IGFLR1: variants seen among roughly 807,000 people sequenced by gnomAD.
IGFLR1 encodes IGF like family receptor 1, also known as IGF-like family receptor 1.
IGFLR1 carries 17 observed loss-of-function variants against 23.4 expected under a neutral mutation model. The observed-to-expected ratio is 0.73, with a 90% CI of 0.50 to 1.09. The LOEUF (loss-of-function observed/expected upper bound fraction) is 1.09. IGFLR1 is among the 50% of genes least tolerant of loss of function. The probability of loss-of-function intolerance (pLI) is 0.00; values close to 1 mark genes in which losing one functional copy is unlikely to be tolerated. For synonymous variants in IGFLR1, 265 were observed against 210.7 expected, an observed-to-expected ratio of 1.26 and a Z score of -2.23; for missense variants, 556 against 459.2, an observed-to-expected ratio of 1.21 and a Z score of -1.93.
intron 1 of IGFLR1, among the ~76,000 whole-genome samples, chr19:35,742,064 G>A (rs1041454811): frequency 6.6e-6 from 1 of 151,650 alleles, no homozygotes; most frequent in Non-Finnish European, 1.5e-5. Context: ...AGCTGAGATC[G>A]TGCCATTGCA....
chr19:35,741,337 GAGCCGGTTATCAGAGA>G (rs1970222569), intron 1 of IGFLR1, 114 bp from the exon 2 acceptor site: 6 of 1,100,524 alleles, frequency 5.5e-6, no homozygotes, highest in Non-Finnish European at 7.9e-6. Context: ...TCCCCCAACT[GAGCCGGTTATCAGAGA>G]AGCCCACAAG....
intron 1 of IGFLR1, chr19:35,741,471 C>CT: frequency 2.8e-6 from 1 of 350,896 alleles, no homozygotes. Flanking sequence ...TAAAATAAGA[C>CT]AATGATAGCA....
chr19:35,740,365 G>A lies in IGFLR1; in HGVS notation c.342+15C>T. The A allele has an allele frequency of 6.4e-7, 1 of 1,558,688 alleles. No individual in the cohort carries two copies. Among genetic ancestry groups the A allele is most frequent in the Non-Finnish European group, 8.7e-7 (1 of 1,153,310 alleles). On this transcript the variant is annotated intron_variant, in intron 3 of 4. Coordinates refer to ENST00000246532, the MANE Select transcript of IGFLR1 (RefSeq NM_024660.4). ...CTCCAGCACGCCCTTGCCCTGCCGGGAGTCCCATCTGCACCTCTCTGCAGC... is the reference window on the plus strand; with the variant it reads ...CTCCAGCACGCCCTTGCCCTGCCGGAAGTCCCATCTGCACCTCTCTGCAGC...
Position 35,738,920 on chromosome 19 carries a change from A to C in IGFLR1, c.*360T>G. 2 of 441,960 alleles carry C rather than the reference A, an allele frequency of 4.5e-6. No homozygotes were observed. Among genetic ancestry groups the C allele is most frequent in the Non-Finnish European group, 8.1e-6 (2 of 247,280 alleles). The allele number at this position is 441,960 out of a possible 1,614,324, so 27.4% of individuals were successfully genotyped here. On this transcript the variant is annotated 3_prime_UTR_variant, in exon 5 of 5. Coordinates refer to ENST00000246532, the MANE Select transcript of IGFLR1 (RefSeq NM_024660.4). This position sits in a 1 kb window ranked among gnomAD's most constrained non-coding sequence, Gnocchi z 8.7. ...TTGTAGGCTGTGGGGGCAGGTAGGA[A>C]CCCCACTTCTACACACCCACCCATC... is the stretch of plus-strand genomic sequence containing the variant.
At position 35,740,473 on chromosome 19, in the gene IGFLR1, G is replaced by C. The variant is rs1321771096; in HGVS notation, c.249C>G (p.Pro83=). The part of the protein sequence containing the change: ...FRKCSSGQCN[P]DGAELCSPCG... The stretch of plus-strand genomic sequence containing the variant: ...AGGGGCTACATAGCTCCGCGCCGTC[G>C]GGGTTGCACTGCCCAGAAGAACACT... Residue 83 remains proline, a synonymous_variant, in exon 3 of 5, where the codon CCC becomes CCG. Coordinates refer to ENST00000246532, the MANE Select transcript of IGFLR1 (RefSeq NM_024660.4). 1 of 1,613,010 alleles carries C rather than the reference G, an allele frequency of 6.2e-7. No individual in the cohort carries two copies. Among genetic ancestry groups the C allele is most frequent in the Non-Finnish European group, 8.5e-7 (1 of 1,179,872 alleles).
In IGFLR1 at chr19:35,740,420, G is replaced by T; in HGVS notation, c.302C>A (p.Pro101His). 1 of 1,608,456 alleles carries T rather than the reference G, an allele frequency of 6.2e-7. No individual in the cohort carries two copies. Among genetic ancestry groups the T allele is most frequent in the South Asian group, 1.1e-5 (1 of 90,770 alleles). Residue 101 changes from proline (P) to histidine (H), a missense_variant, in exon 3 of 5, where the codon CCC becomes CAC. Physicochemically the swap from Pro to His is moderately conservative, Grantham distance 77 (BLOSUM62 -2). Transcript: ENST00000246532. ...CGGGGTTCTGCCCCCGCCCGCGGCG[G>T]GAGTAGGGGTCACGGCTCCGCCGCC... ...PCGGGAVTPT[P>H]AAGGGRTPWR...
At chr19:35,742,293 A>T in intron 1 of IGFLR1, 103 bp downstream of exon 1, 1 of 917,508 alleles carries the variant, frequency 1.1e-6, no homozygotes, top group Non-Finnish European at 1.5e-6. Flanking sequence ...CCTTGGGGCT[A>T]GGGCTCCTCC....
At chr19:35,741,317 C>G in intron 1 of IGFLR1, 94 bp from the exon 2 acceptor site, 1 of 1,324,824 alleles carries the variant, frequency 7.5e-7, no homozygotes, top group South Asian at 1.3e-5. Flanking sequence ...AATCTACCCC[C>G]GAGCCCTCAT....
At chr19:35,740,607 C>G in intron 2 of IGFLR1, 43 bp from the exon 3 acceptor site, 1 of 1,549,832 alleles carries the variant, frequency 6.5e-7, no homozygotes, top group Non-Finnish European at 8.7e-7. Flanking sequence ...CTAGCCCGCC[C>G]CTGCGCGGGC....
In IGFLR1 at chr19:35,740,439, C is replaced by T; in HGVS notation, c.283G>A (p.Gly95Arg). The T allele has an allele frequency of 6.2e-7, 1 of 1,611,608 alleles. No individual in the cohort carries two copies. Among genetic ancestry groups the T allele is most frequent in the African/African-American group, 1.3e-5 (1 of 74,990 alleles). Residue 95 changes from glycine (G) to arginine (R), a missense_variant, in exon 3 of 5, where the codon GGA becomes AGA. Physicochemically the swap from Gly to Arg is moderately radical, Grantham distance 125 (BLOSUM62 -2). Transcript: ENST00000246532. ...GAELCSPCGG[G>R]AVTPTPAAGG... is the part of the protein sequence containing the mutation. ...GCGGCGGGAGTAGGGGTCACGGCTC[C>T]GCCGCCGCAGGGGCTACATAGCTCC...
intron 1 of IGFLR1, chr19:35,741,597 T>G (rs1466800063): frequency 6.8e-6 from 1 of 146,326 alleles, no homozygotes; most frequent in Non-Finnish European, 1.4e-5. Flanking sequence ...GACAGGAGGA[T>G]CACTTGAGCC....
rs149304230 is a variant in IGFLR1 at position 35,741,155 on chromosome 19, G to T, written c.26C>A (p.Thr9Lys). The change falls in exon 2 of 5, where the codon ACG becomes AAG. Residue 9 changes from threonine to lysine, a missense_variant. Coordinates refer to ENST00000246532, the MANE Select transcript of IGFLR1 (RefSeq NM_024660.4). MGPGRCLL[T>K]ALLLLALAPP... is the part of the protein sequence containing the mutation. Reference sequence around the variant, plus strand: ...CGCCAGGGCCAGAAGCAACAAGGCCGTCAGGAGGCATCGTCCAGGCCCCAT... The same window carrying T: ...CGCCAGGGCCAGAAGCAACAAGGCCTTCAGGAGGCATCGTCCAGGCCCCAT... The T allele has an allele frequency of 2.5e-6, 4 of 1,605,420 alleles. No homozygotes were observed. Among genetic ancestry groups the T allele is most frequent in the Non-Finnish European group, 8.5e-7 (1 of 1,175,010 alleles).
chr19:35,740,314 C>G lies in IGFLR1; in HGVS notation c.342+66G>C, dbSNP rs535163297. ...CCCCACCCCTTACGTGGGGCTACGC[C>G]GGCTCCCTACATCTAGGCCCCCCAC... On this transcript the variant is annotated intron_variant, in intron 3 of 4. Coordinates refer to ENST00000246532, the MANE Select transcript of IGFLR1 (RefSeq NM_024660.4). 71 of 1,459,968 alleles carry G rather than the reference C, an allele frequency of 4.9e-5. 1 individual carries two copies. In the South Asian group the frequency reaches 9.0e-4, roughly 19 times the overall value. The allele number at this position is 1,459,968 out of a possible 1,614,324, so 90.4% of individuals were successfully genotyped here.
In IGFLR1 at chr19:35,739,234, T is replaced by A; in HGVS notation, c.*46A>T. 6.9e-7 allele frequency: 1 copy of A among 1,449,976 alleles called. No homozygotes were observed. The highest frequency in any genetic ancestry group is 9.3e-7 in the Non-Finnish European group (1 of 1,079,516). 89.8% of individuals were successfully genotyped at this position (1,449,976 alleles called of 1,614,324 possible). A position where few individuals can be genotyped will look rare whatever the true frequency, so the allele number is the denominator to read the frequency against. ...TGTACTTCAAGAAGTACTTCAGTGC[T>A]AATTGTATACTGGGCTTAGTAGTCA... On this transcript the variant is annotated 3_prime_UTR_variant, in exon 5 of 5. Transcript: ENST00000246532.
intron 1 of IGFLR1, 103 bp downstream of exon 1, chr19:35,742,293 A>C: frequency 1.1e-6 from 1 of 917,508 alleles, no homozygotes; most frequent in Non-Finnish European, 1.5e-6. Flanking sequence ...CCTTGGGGCT[A>C]GGGCTCCTCC....
chr19:35,741,410 A>G, intron 1 of IGFLR1, 187 bp from the exon 2 acceptor site: 1 of 589,656 alleles, frequency 1.7e-6, no homozygotes, highest in Non-Finnish European at 3.0e-6. Context: ...GCAAGAATGC[A>G]TATCCCACCT....
chr19:35,738,893 A>G lies in IGFLR1; in HGVS notation c.*387T>C, dbSNP rs1970027894. On this transcript the variant is annotated 3_prime_UTR_variant, in exon 5 of 5. Transcript: ENST00000246532. This position sits in a 1 kb window ranked among gnomAD's most constrained non-coding sequence, Gnocchi z 8.7. ...CAATGTTTGGAGAGGTGGTCTTCCCATTTGTAGGCTGTGGGGGCAGGTAGG... is the reference window on the plus strand; with the variant it reads ...CAATGTTTGGAGAGGTGGTCTTCCCGTTTGTAGGCTGTGGGGGCAGGTAGG... 2.2e-6 allele frequency: 1 copy of G among 452,754 alleles called. No individual in the cohort carries two copies. The highest frequency in any genetic ancestry group is 2.0e-5 in the African/African-American group (1 of 50,868). 28.0% of individuals were successfully genotyped at this position (452,754 alleles called of 1,614,324 possible).
Position 35,740,551 on chromosome 19 carries a change from C to T in IGFLR1, c.171G>A (p.Arg57=). The change falls in exon 3 of 5, where the codon CGG becomes CGA. Residue 57 remains arginine, a synonymous_variant. Coordinates refer to ENST00000246532, the MANE Select transcript of IGFLR1 (RefSeq NM_024660.4). ...CGTGGTCATTGAGTCCGCAGTTTTC[C>T]CGGAACTCATAGTCTAGCGGGAAAG... ...GPPPCPDYEF[R]ENCGLNDHGD... is the part of the protein sequence containing the mutation. 1 of 1,606,904 alleles carries T rather than the reference C, an allele frequency of 6.2e-7. No individual in the cohort carries two copies. The highest frequency in any genetic ancestry group is 8.5e-7 in the Non-Finnish European group (1 of 1,176,868).
chr19:35,740,382 C>G lies in IGFLR1; in HGVS notation c.340G>C (p.Glu114Gln). The change falls in exon 3 of 5, where the codon GAG (glutamate) becomes CAG (glutamine). Residue 114 changes from glutamate to glutamine, a missense_variant and splice_region_variant. By Grantham distance (29) the Glu-to-Gln change is conservative (BLOSUM62 2). Coordinates refer to ENST00000246532, the MANE Select transcript of IGFLR1 (RefSeq NM_024660.4). Reference sequence around the variant, plus strand: ...CCTGCCGGGAGTCCCATCTGCACCTCTCTGCAGCGCCACGGGGTTCTGCCC... The same window carrying G: ...CCTGCCGGGAGTCCCATCTGCACCTGTCTGCAGCGCCACGGGGTTCTGCCC... ...GGGRTPWRCR[E>Q]RPVPAKGHCP... The G allele has an allele frequency of 3.1e-6, 5 of 1,591,430 alleles. No homozygotes were observed. The highest frequency in any genetic ancestry group is 2.2e-5 in the South Asian group (2 of 89,014).
Sources: gnomAD v4.1 joint callset for allele counts (sites outside exome capture counted in the v4.1 genomes callset) on GRCh38, gnomAD v4.1.1 for gene constraint, Gnocchi (gnomAD v3.1) non-coding constraint, MANE v1.5 for transcripts, NCBI Gene and HGNC (gene_info 2026-07-23, HGNC 2026-07-21) for gene names.